Variants in METAP1 observed in about 807,000 individuals in gnomAD.
METAP1 encodes the protein methionine aminopeptidase 1.
METAP1 carries 28 observed loss-of-function variants against 53.8 expected under a neutral mutation model. That is an observed-to-expected ratio of 0.52 (90% CI 0.39 to 0.71). The LOEUF (loss-of-function observed/expected upper bound fraction) is 0.71. Ranked by LOEUF, METAP1 falls within the 30% of genes least tolerant of loss-of-function variation. METAP1 has a pLI of 0.00. For synonymous variants in METAP1, 181 were observed against 165.7 expected (o/e 1.09, Z -0.71); for missense variants, 389 against 479.8 (o/e 0.81, Z 1.77).
At position 99,002,290 on chromosome 4, in the gene METAP1, A is replaced by G. The variant is rs150950995; in HGVS notation, c.114+6423A>G. ...TGCAATAGCAAACACTTTTAGATAG[A>G]TATTAAATAGGCAGAAATACTTTAT... is the stretch of plus-strand genomic sequence containing the variant. On this transcript the variant is annotated intron_variant, in intron 1 of 10. Coordinates refer to ENST00000296411, the MANE Select transcript of METAP1 (RefSeq NM_015143.3). Among the ~76,000 whole-genome samples the G allele has an allele frequency of 7.4e-3, 1,120 of 152,298 alleles. 16 individuals carry two copies. The highest frequency in any genetic ancestry group is 0.026 in the African/African-American group (1,076 of 41,556).
At chr4:99,026,368 A>G (rs1360265014) in intron 1 of METAP1, 1 of 985,360 alleles carries the variant, frequency 1.0e-6, no homozygotes, top group Non-Finnish European at 1.2e-6. Flanking sequence ...TTGAATAAGT[A>G]CATGTGACAT....
chr4:98,999,753 C>T (rs1013326267), intron 1 of METAP1, among the ~76,000 whole-genome samples: 4 of 151,610 alleles, frequency 2.6e-5, no homozygotes, highest in African/African-American at 7.3e-5. Context: ...CCTCGTGATC[C>T]GCCTACCTCA....
At chr4:99,011,076 A>G (rs1723443090) in intron 1 of METAP1, among the ~76,000 whole-genome samples, 1 of 151,416 alleles carries the variant, frequency 6.6e-6, no homozygotes, top group African/African-American at 2.4e-5. Flanking sequence ...AAGGTTTTCT[A>G]CATGTATAAG....
At chr4:99,045,954 C>T (rs953804381) in intron 8 of METAP1, among the ~76,000 whole-genome samples, 4 of 152,176 alleles carry the variant, frequency 2.6e-5, no homozygotes, top group African/African-American at 7.2e-5. Context: ...TATAGTATTA[C>T]AATTTGTGTA....
Position 99,062,322 on chromosome 4 carries a change from A to T in METAP1, c.*1005A>T, listed in dbSNP as rs62325237. On this transcript the variant is annotated 3_prime_UTR_variant, in exon 11 of 11. Coordinates refer to ENST00000296411, the MANE Select transcript of METAP1 (RefSeq NM_015143.3). ...TAAATGTGATAGTGATGAGAAAGGA[A>T]TTTTGTGTACTGTAACCTTGCAGTA... 3,742 of 152,386 alleles carry T rather than the reference A, an allele frequency of 0.025. 56 individuals are homozygous for T. Among genetic ancestry groups the T allele is most frequent in the Non-Finnish European group, 0.035 (2,360 of 68,038 alleles). 9.4% of individuals were successfully genotyped at this position (152,386 alleles called of 1,614,324 possible).
intron 8 of METAP1, among the ~76,000 whole-genome samples, chr4:99,047,369 C>T (rs1186113847): frequency 1.3e-5 from 2 of 152,114 alleles, no homozygotes; most frequent in Non-Finnish European, 2.9e-5. Flanking sequence ...CCCTTGGGGC[C>T]GCAGTTGGAG....
At chr4:99,019,176 A>G (rs1560702400) in intron 1 of METAP1, among the ~76,000 whole-genome samples, 1 of 152,182 alleles carries the variant, frequency 6.6e-6, no homozygotes, top group African/African-American at 2.4e-5. Flanking sequence ...ACCCCAGATA[A>G]TAGTAGCTCT....
chr4:99,030,649 A>G (rs1343711769), intron 2 of METAP1, among the ~76,000 whole-genome samples: 4 of 152,168 alleles, frequency 2.6e-5, no homozygotes, highest in African/African-American at 9.7e-5. Context: ...AGTATTAGGA[A>G]AAGCATTGGG....
At chr4:99,010,794 A>C (rs1043094567) in intron 1 of METAP1, among the ~76,000 whole-genome samples, 4 of 152,216 alleles carry the variant, frequency 2.6e-5, no homozygotes, top group African/African-American at 9.7e-5. Context: ...TTTCAGATAC[A>C]TGAACATGGG....
At chr4:98,997,649 C>T (rs1220913456) in intron 1 of METAP1, among the ~76,000 whole-genome samples, 1 of 152,154 alleles carries the variant, frequency 6.6e-6, no homozygotes, top group Non-Finnish European at 1.5e-5. Flanking sequence ...ATTCATGAAA[C>T]AGGTAGAAAG....
chr4:99,029,019 C>A, intron 2 of METAP1, 101 bp downstream of exon 2: 1 of 783,506 alleles, frequency 1.3e-6, no homozygotes, highest in Non-Finnish European at 2.0e-6. Flanking sequence ...TTTGAATGTT[C>A]TGAAAGTATA....
At chr4:99,028,277 A>T (rs1015750260) in intron 1 of METAP1, among the ~76,000 whole-genome samples, 1 of 152,178 alleles carries the variant, frequency 6.6e-6, no homozygotes, top group Non-Finnish European at 1.5e-5. Context: ...ATATTTTCCT[A>T]AATGAAAAGT....
intron 10 of METAP1, among the ~76,000 whole-genome samples, chr4:99,059,892 AG>A (rs1179176800): frequency 5.9e-5 from 9 of 152,058 alleles, no homozygotes; most frequent in African/African-American, 2.2e-4. Context: ...TTCTGATTCC[AG>A]GGGTATAGTT....
In METAP1 at chr4:99,040,123, A is replaced by G. The variant is rs537096046; in HGVS notation, c.432+658A>G. On this transcript the variant is annotated intron_variant, in intron 5 of 10. Coordinates refer to ENST00000296411, the MANE Select transcript of METAP1 (RefSeq NM_015143.3). ...TCAGAATTAATCTGGTGGATAGTCT[A>G]TATTTAGATGACAATCCTTTTCATT... Among the ~76,000 whole-genome samples, 18 of 152,336 alleles carry G rather than the reference A, an allele frequency of 1.2e-4. No individual in the cohort carries two copies. The East Asian group carries it at 2.7e-3, about 23-fold the overall frequency.
chr4:99,026,281 A>G (rs1724552152), intron 1 of METAP1: 1 of 984,704 alleles, frequency 1.0e-6, no homozygotes, highest in Admixed American at 6.1e-5. Context: ...AGTTTTACCT[A>G]CTAGTTATAA....
At chr4:99,011,924 G>A (rs1723490742) in intron 1 of METAP1, among the ~76,000 whole-genome samples, 1 of 152,170 alleles carries the variant, frequency 6.6e-6, no homozygotes, top group Non-Finnish European at 1.5e-5. Flanking sequence ...TGGGCAACAA[G>A]AGTGAAACTC....
intron 1 of METAP1, among the ~76,000 whole-genome samples, chr4:99,020,729 C>G (rs1724059064): frequency 6.6e-6 from 1 of 152,178 alleles, no homozygotes; most frequent in Non-Finnish European, 1.5e-5. Flanking sequence ...TATTAACATA[C>G]AGTATTAGAA....
chr4:99,022,846 TC>T (rs1343982274), intron 1 of METAP1: 16 of 1,565,970 alleles, frequency 1.0e-5, no homozygotes, highest in Non-Finnish European at 1.3e-5. Flanking sequence ...ACTGCTTTTT[TC>T]CCTCCCACGG....
chr4:99,004,190 C>T (rs970034670), intron 1 of METAP1, among the ~76,000 whole-genome samples: 2 of 152,130 alleles, frequency 1.3e-5, no homozygotes, highest in African/African-American at 4.8e-5. Context: ...TTTGGAAACT[C>T]TCTGAACCCA....
Sources: allele counts gnomAD v4.1 joint callset (sites outside exome capture counted in the v4.1 genomes callset), GRCh38; gene constraint gnomAD v4.1.1; transcripts MANE v1.5; gene names NCBI Gene and HGNC (gene_info 2026-07-23, HGNC 2026-07-21).